The following BDNF variants were observed in gnomAD, a reference collection of about 807,000 sequenced individuals.
BDNF encodes the protein neurotrophic factor BDNF precursor form.
BDNF carries 1 observed loss-of-function variant against 19.5 expected under a neutral mutation model. The observed-to-expected ratio is 0.05, with a 90% CI of 0.02 to 0.24. The LOEUF (loss-of-function observed/expected upper bound fraction) is 0.24, where lower values mean the gene tolerates loss of function less well. Among genes scored for constraint, BDNF ranks in the 10% least tolerant of loss-of-function variants. BDNF has a pLI of 1.00. For synonymous variants in BDNF, 100 were observed against 121.6 expected, an observed-to-expected ratio of 0.82 and a Z score of 1.17; for missense variants, 195 against 317.6, an observed-to-expected ratio of 0.61 and a Z score of 2.93.
intron 1 of BDNF, among the ~76,000 whole-genome samples, chr11:27,663,207 C>T (rs1375297015): frequency 1.3e-5 from 2 of 152,154 alleles, no homozygotes; most frequent in Non-Finnish European, 2.9e-5. Context: ...GACTCTTTAT[C>T]ACACATAAGA....
intron 1 of BDNF, among the ~76,000 whole-genome samples, chr11:27,683,631 C>T (rs1160333726): frequency 1.3e-5 from 2 of 152,158 alleles, no homozygotes; most frequent in East Asian, 3.8e-4. Context: ...AATGGCTAGC[C>T]AGTTTTCCCG....
chr11:27,710,461 A>G lies in BDNF; in HGVS notation c.3+10951T>C, dbSNP rs757780686. Reference sequence around the variant, plus strand: ...GTTGGTGCAAAGACACAAAGGACCCAGACACCAATTCCTGGCATGCTCCCA... The same window carrying G: ...GTTGGTGCAAAGACACAAAGGACCCGGACACCAATTCCTGGCATGCTCCCA... On this transcript the variant is annotated intron_variant, in intron 1 of 1. Transcript: ENST00000314915. Among the ~76,000 whole-genome samples the G allele has an allele frequency of 1.3e-3, 193 of 152,242 alleles. 2 individuals are homozygous for G. Among genetic ancestry groups the G allele is most frequent in the Non-Finnish European group, 8.2e-4 (56 of 68,036 alleles).
intron 1 of BDNF, chr11:27,659,470 A>T (rs1853049508): frequency 3.0e-6 from 3 of 1,000,246 alleles, no homozygotes; most frequent in Non-Finnish European, 2.4e-6. Context: ...AAAAGTCAGC[A>T]TTAAAAAGAC....
chr11:27,687,945 G>A (rs1373368522), intron 1 of BDNF, among the ~76,000 whole-genome samples: 1 of 152,228 alleles, frequency 6.6e-6, no homozygotes, highest in Non-Finnish European at 1.5e-5. Flanking sequence ...TGTGCTGGGA[G>A]ATCCACTGCT....
intron 1 of BDNF, among the ~76,000 whole-genome samples, chr11:27,687,885 T>C (rs547658451): frequency 1.1e-4 from 17 of 152,034 alleles, no homozygotes; most frequent in Admixed American, 2.0e-4. Context: ...ATCACGAGGG[T>C]CAGGGACCTG....
chr11:27,700,826 C>A, upstream of BDNF: 1 of 1,229,182 alleles, frequency 8.1e-7, no homozygotes, highest in Non-Finnish European at 1.0e-6. Flanking sequence ...GAAACCCCGG[C>A]TGTGGGCGCT....
chr11:27,660,357 T>C (rs763373270), intron 1 of BDNF: 31 of 495,448 alleles, frequency 6.3e-5, no homozygotes, highest in Non-Finnish European at 9.4e-5. Flanking sequence ...GATTGCACAA[T>C]GTTCTCAGAT....
intron 1 of BDNF, chr11:27,720,802 TCC>T (rs1237302317): frequency 1.0e-6 from 1 of 988,164 alleles, no homozygotes; most frequent in African/African-American, 1.7e-5. Flanking sequence ...TTCTTCCACT[TCC>T]TTACGGTTTG....
chr11:27,659,736 GCTT>G (rs1853156584), intron 1 of BDNF: 1 of 930,912 alleles, frequency 1.1e-6, no homozygotes, highest in East Asian at 1.2e-4. Flanking sequence ...GGCAGCTAGT[GCTT>G]CTTTTTCTGC....
chr11:27,706,040 T>C (rs2134097642), intron 1 of BDNF, among the ~76,000 whole-genome samples: 1 of 152,290 alleles, frequency 6.6e-6, no homozygotes, highest in East Asian at 1.9e-4. Context: ...AAGATGATGG[T>C]AAACATGCCC....
At chr11:27,662,652 A>C (rs1327684599) in intron 1 of BDNF, among the ~76,000 whole-genome samples, 1 of 152,222 alleles carries the variant, frequency 6.6e-6, no homozygotes, top group Admixed American at 6.5e-5. Flanking sequence ...TTGGATTCTC[A>C]TAAGGAGCAC....
At chr11:27,710,012 A>G (rs1332440424) in intron 1 of BDNF, among the ~76,000 whole-genome samples, 1 of 152,220 alleles carries the variant, frequency 6.6e-6, no homozygotes, top group Non-Finnish European at 1.5e-5. Flanking sequence ...ACCAGCCATC[A>G]TATTACTTAG....
chr11:27,712,089 C>A (rs1198877231), intron 1 of BDNF, among the ~76,000 whole-genome samples: 1 of 152,200 alleles, frequency 6.6e-6, no homozygotes, highest in East Asian at 1.9e-4. Flanking sequence ...TGTCTAATGG[C>A]AAATGTGAAT....
intron 1 of BDNF, chr11:27,720,308 G>A (rs902806035): frequency 4.1e-5 from 40 of 984,626 alleles, no homozygotes; most frequent in Non-Finnish European, 4.8e-5. Flanking sequence ...AATAGCTCAA[G>A]AATTGGGGAT....
chr11:27,714,141 C>T (rs1590498588), intron 1 of BDNF, among the ~76,000 whole-genome samples: 1 of 152,264 alleles, frequency 6.6e-6, no homozygotes, highest in East Asian at 1.9e-4. Context: ...CTGCAGCAAT[C>T]TAGCCAATCC....
rs1590214715 is a variant in BDNF at position 27,657,722 on chromosome 11, AATT to A, written c.*96_*98del. Reference sequence around the variant, plus strand: ...CTTCATTTATACATGCAGTTCATAAAATTATTTTTTTCTTAACTGAATAATTTA... The same window carrying A: ...CTTCATTTATACATGCAGTTCATAAAATTTTTTTCTTAACTGAATAATTTA... On this transcript the variant is annotated 3_prime_UTR_variant, in exon 2 of 2. Transcript: ENST00000356660. This position sits in a 1 kb window ranked among gnomAD's most constrained non-coding sequence, Gnocchi z 5.0. 4 of 1,552,802 alleles carry A rather than the reference AATT, an allele frequency of 2.6e-6. No individual in the cohort carries two copies. Among genetic ancestry groups the A allele is most frequent in the South Asian group, 1.2e-5 (1 of 83,562 alleles).
chr11:27,698,226 C>CAAAAAAAAAAAAACAAAAAAAAAAAA (rs1859386123), intron 1 of BDNF: 1 of 80,784 alleles, frequency 1.2e-5, no homozygotes, highest in Non-Finnish European at 2.4e-5. Flanking sequence ...GTAAATTTCC[C>CAAAAAAAAAAAAACAAAAAAAAAAAA]AAAAAAAAAA....
At chr11:27,694,127 G>C (rs1858668936) in intron 1 of BDNF, among the ~76,000 whole-genome samples, 1 of 152,106 alleles carries the variant, frequency 6.6e-6, no homozygotes. Context: ...TCTACTCCCT[G>C]AAGCACAGTC....
At chr11:27,663,616 G>T (rs1258577526) in intron 1 of BDNF, among the ~76,000 whole-genome samples, 2 of 152,154 alleles carry the variant, frequency 1.3e-5, no homozygotes, top group African/African-American at 4.8e-5. Flanking sequence ...ATATAGATGA[G>T]GCAATTATGC....
Sources: gnomAD v4.1 joint callset for allele counts (sites outside exome capture counted in the v4.1 genomes callset) on GRCh38, gnomAD v4.1.1 for gene constraint, Gnocchi (gnomAD v3.1) non-coding constraint, MANE v1.5 for transcripts, NCBI Gene and HGNC (gene_info 2026-07-23, HGNC 2026-07-21) for gene names.